The following CPZ variants were observed in gnomAD, a reference collection of about 807,000 sequenced individuals.
CPZ encodes carboxypeptidase Z.
CPZ carries 103 observed loss-of-function variants against 61.8 expected under a neutral mutation model. The ratio of observed to expected loss-of-function variants is 1.67; its 90% CI spans 1.42 to 1.96. The LOEUF is 1.96. Among genes scored for constraint, CPZ ranks in the 30% most tolerant of loss-of-function variants. The pLI, the probability that CPZ is intolerant of heterozygous loss-of-function variation, is 0.00. For synonymous variants in CPZ, 551 were observed against 373.7 expected, an observed-to-expected ratio of 1.47 and a Z score of -5.47; for missense variants, 1,461 against 914.9, an observed-to-expected ratio of 1.60 and a Z score of -7.70.
Position 8,592,839 on chromosome 4 carries a change from GCC to G in CPZ, c.10_11del (p.Pro4AlafsTer21). Reference sequence around the variant, plus strand: ...CCAAGGTCCGCCGCCCCACCATGCCGCCCCCGCTGCCGCTGCTGCTCCTTACA... The same window carrying G: ...CCAAGGTCCGCCGCCCCACCATGCCGCCCGCTGCCGCTGCTGCTCCTTACA... The part of the protein sequence containing the change: MP[P>X]PLPLLLLTVL... On this transcript the variant is annotated frameshift_variant, in exon 1 of 11. Transcript: ENST00000360986. LOFTEE classifies it high-confidence loss of function. 2 of 1,473,534 alleles carry G rather than the reference GCC, an allele frequency of 1.4e-6. No homozygotes were observed. Among genetic ancestry groups the G allele is most frequent in the Non-Finnish European group, 1.8e-6 (2 of 1,117,814 alleles). The allele number at this position is 1,473,534 out of a possible 1,614,324, so 91.3% of individuals were successfully genotyped here. A position where few individuals can be genotyped will look rare whatever the true frequency, so the allele number is the denominator to read the frequency against.
chr4:8,609,071 A>ATT (rs1560297756), intron 7 of CPZ, among the ~76,000 whole-genome samples: 3 of 89,516 alleles, frequency 3.4e-5, no homozygotes, highest in Non-Finnish European at 6.8e-5. Flanking sequence ...TCCCTCACTC[A>ATT]CCACTCATAC....
chr4:8,618,729 T>G (rs1271853142), intron 10 of CPZ, among the ~76,000 whole-genome samples: 2 of 152,266 alleles, frequency 1.3e-5, no homozygotes, highest in Non-Finnish European at 2.9e-5. Context: ...GGGAAGAGCT[T>G]GCCCAGCCGT....
intron 4 of CPZ, 147 bp from the exon 5 acceptor site, chr4:8,605,842 A>C: frequency 1.4e-6 from 1 of 727,538 alleles, no homozygotes; most frequent in Non-Finnish European, 2.2e-6. Flanking sequence ...CCTTGATGAG[A>C]CCTCATTATA....
chr4:8,608,222 T>C (rs1213919581), intron 7 of CPZ, among the ~76,000 whole-genome samples: 1 of 147,144 alleles, frequency 6.8e-6, no homozygotes, highest in Non-Finnish European at 1.5e-5. Context: ...CACCGGAGGC[T>C]GGGCCTGCCC....
chr4:8,608,439 C>A (rs1715241399), intron 7 of CPZ, among the ~76,000 whole-genome samples: 1 of 152,214 alleles, frequency 6.6e-6, no homozygotes, highest in Non-Finnish European at 1.5e-5. Flanking sequence ...CTGAGGCCAC[C>A]CGGCCGAGCA....
chr4:8,619,502 A>G lies in CPZ; in HGVS notation c.1844A>G (p.Glu615Gly). Residue 615 changes from glutamate to glycine, a missense_variant, in exon 11 of 11, where the codon GAG (glutamate) becomes GGG (glycine). Physicochemically the swap from Glu to Gly is moderately conservative, Grantham distance 98. Transcript: ENST00000360986. ...GCCAGCTCTTTGGGGGAGGCCACGG[A>G]GCCCGACCCGCTCCGGGCGCGCAGG... Reference protein sequence around the residue: ...GGASSLGEATEPDPLRARRQP... With the variant: ...GGASSLGEATGPDPLRARRQP... 1 of 1,604,394 alleles carries G rather than the reference A, an allele frequency of 6.2e-7. No homozygotes were observed. The highest frequency in any genetic ancestry group is 8.5e-7 in the Non-Finnish European group (1 of 1,173,884).
chr4:8,605,108 G>C (rs1350151537), intron 4 of CPZ, among the ~76,000 whole-genome samples: 1 of 152,222 alleles, frequency 6.6e-6, no homozygotes, highest in Non-Finnish European at 1.5e-5. Flanking sequence ...AAAGCTCCCA[G>C]GTCATTTATA....
chr4:8,605,350 T>TCCATCCATCCATC (rs869174559), intron 4 of CPZ, among the ~76,000 whole-genome samples: 4 of 21,410 alleles, frequency 1.9e-4, no homozygotes, highest in Admixed American at 5.8e-4. Flanking sequence ...ATCCATCCAT[T>TCCATCCATCCATC]TATTCATTCA....
intron 8 of CPZ, 77 bp downstream of exon 8, chr4:8,612,239 T>C: frequency 1.9e-6 from 2 of 1,060,738 alleles, no homozygotes; most frequent in South Asian, 1.7e-5. Flanking sequence ...AAGGCGTAAC[T>C]CCACGGTCTG....
rs957695474 is a variant in CPZ, at chr4:8,601,425, T to C, written c.424T>C (p.Tyr142His). 2 of 1,567,092 alleles carry C rather than the reference T, an allele frequency of 1.3e-6. No individual in the cohort carries two copies. The highest frequency in any genetic ancestry group is 1.7e-6 in the Non-Finnish European group (2 of 1,155,006). The change falls in exon 3 of 11, where the codon TAC (tyrosine) becomes CAC (histidine). Residue 142 changes from tyrosine to histidine, a missense_variant. Coordinates refer to ENST00000360986, the MANE Select transcript of CPZ (RefSeq NM_001014447.3). The part of the protein sequence containing the change: ...AFDAIDMAWP[Y>H]FLDCHRYFTR... The stretch of plus-strand genomic sequence containing the variant: ...CGACGCCATTGACATGGCCTGGCCC[T>C]ACTTCCTTGACTGCCACCGCTACTT...
intron 4 of CPZ, among the ~76,000 whole-genome samples, chr4:8,605,763 C>CAAGA (rs1714941370): frequency 1.3e-5 from 2 of 151,948 alleles, no homozygotes; most frequent in African/African-American, 4.8e-5. Flanking sequence ...ATATATTATT[C>CAAGA]ATATTCTTGA....
chr4:8,594,564 G>T (rs7691950), intron 1 of CPZ, among the ~76,000 whole-genome samples: 151,477 of 152,236 alleles, frequency 1, 75,363 homozygotes, highest in East Asian at 1. Flanking sequence ...CTGGTCAGTT[G>T]AGGAGGGGGA....
At chr4:8,616,576 G>A (rs1033825964) in intron 9 of CPZ, among the ~76,000 whole-genome samples, 2 of 152,140 alleles carry the variant, frequency 1.3e-5, no homozygotes, top group Admixed American at 6.5e-5. Context: ...GGAGGAGGAG[G>A]AGTGTGAGCT....
chr4:8,614,264 C>A, intron 8 of CPZ, 95 bp from the exon 9 acceptor site: 1 of 1,452,862 alleles, frequency 6.9e-7, no homozygotes, highest in Non-Finnish European at 9.2e-7. Flanking sequence ...GACACCCCGG[C>A]GTCCCGGCTG....
rs1160770819 is a variant in CPZ at position 8,615,872 on chromosome 4, C to CA, written c.1503+1377dup. Among the ~76,000 whole-genome samples the CA allele has an allele frequency of 2.0e-5, 3 of 152,220 alleles. No individual in the cohort carries two copies. The East Asian group carries it at 5.8e-4, about 29-fold the overall frequency. On this transcript the variant is annotated intron_variant, in intron 9 of 10. Transcript: ENST00000360986. ...AGCAGCCGCTGAGATAGGAAAGAAA[C>CA]AAAGCCCCACACAAAGTAAAATGGA...
rs148162472 is a variant in CPZ at position 8,606,855 on chromosome 4, G to A, written c.1025G>A (p.Arg342His). The A allele has an allele frequency of 3.3e-4, 538 of 1,613,322 alleles. No homozygotes were observed. The highest frequency in any genetic ancestry group is 4.0e-4 in the Non-Finnish European group (470 of 1,179,832). ...CGGCTGGCGGAGACCCGCGGCGCAC[G>A]CAGCGACCACATCCCCATCCCCCAG... ...YYRLAETRGA[R>H]SDHIPIPQHY... The change falls in exon 6 of 11, where the codon CGC becomes CAC. Residue 342 changes from arginine (R) to histidine (H), a missense_variant. By Grantham distance (29) the Arg-to-His change is conservative. Coordinates refer to ENST00000360986, the MANE Select transcript of CPZ (RefSeq NM_001014447.3).
intron 7 of CPZ, among the ~76,000 whole-genome samples, chr4:8,610,291 G>C (rs372916752): frequency 6.6e-5 from 10 of 152,212 alleles, no homozygotes; most frequent in African/African-American, 2.4e-4. Flanking sequence ...TCCTTGTCCT[G>C]CACCTGCCCT....
Position 8,605,994 on chromosome 4 carries a change from C to T in CPZ, c.715C>T (p.Pro239Ser), listed in dbSNP as rs368230336. Reference sequence around the variant, plus strand: ...GTCTCTGTATTTGCCCCCAGTGGAGCCCGAGGTGAAGCTCATCGGCAACAT... The same window carrying T: ...GTCTCTGTATTTGCCCCCAGTGGAGTCCGAGGTGAAGCTCATCGGCAACAT... ...SRPGQHELME[P>S]EVKLIGNIHG... The change falls in exon 5 of 11, where the codon CCC becomes TCC. Residue 239 changes from proline to serine, a missense_variant. Transcript: ENST00000360986. 3 of 1,612,354 alleles carry T rather than the reference C, an allele frequency of 1.9e-6. No individual in the cohort carries two copies. The South Asian group carries it at 3.3e-5, about 18-fold the overall frequency.
chr4:8,607,524 T>A, intron 7 of CPZ, 99 bp downstream of exon 7: 1 of 1,398,922 alleles, frequency 7.1e-7, no homozygotes, highest in Non-Finnish European at 9.7e-7. Flanking sequence ...AAGGCAAAGC[T>A]CCTAGGAACC....
Sources: allele counts gnomAD v4.1 joint callset (sites outside exome capture counted in the v4.1 genomes callset), GRCh38; gene constraint gnomAD v4.1.1; transcripts MANE v1.5; gene names NCBI Gene and HGNC (gene_info 2026-07-23, HGNC 2026-07-21).